ZNF652: variants seen among roughly 807,000 people sequenced by gnomAD.
The protein encoded by ZNF652 is zinc finger protein 652.
ZNF652 carries 16 observed loss-of-function variants against 45.2 expected under a neutral mutation model. The ratio of observed to expected loss-of-function variants is 0.35; its 90% CI spans 0.24 to 0.54. ZNF652 has a LOEUF of 0.54. Among genes scored for constraint, ZNF652 ranks in the 20% least tolerant of loss-of-function variants. ZNF652 has a pLI of 0.91. For synonymous variants in ZNF652, 250 were observed against 260.6 expected (o/e 0.96, Z 0.39); for missense variants, 614 against 765.6 (o/e 0.80, Z 2.34).
At chr17:49,288,774 T>C (rs915123405), downstream of ZNF652, among the ~76,000 whole-genome samples, 4 of 152,112 alleles carry the variant, frequency 2.6e-5, no homozygotes, top group Non-Finnish European at 5.9e-5. Context: ...AGATGCCTCA[T>C]CCCAAGTACC....
intron 4 of ZNF652, 77 bp downstream of exon 4, chr17:49,311,850 C>T: frequency 8.0e-7 from 1 of 1,244,376 alleles, no homozygotes; most frequent in East Asian, 2.4e-5. Context: ...TGCTCCAGCA[C>T]ACCTCTCTCT....
chr17:49,327,747 A>T (rs1402126079), intron 1 of ZNF652, among the ~76,000 whole-genome samples: 10 of 10,618 alleles, frequency 9.4e-4, no homozygotes, highest in African/African-American at 1.5e-3. Context: ...ATATATATAT[A>T]TATATATATA....
chr17:49,348,722 A>G (rs564597613), intron 1 of ZNF652, among the ~76,000 whole-genome samples: 1 of 152,228 alleles, frequency 6.6e-6, no homozygotes, highest in South Asian at 2.1e-4. Context: ...TATAAATAAT[A>G]TGATGTCTGG....
At chr17:49,306,706 T>G (rs2069633817) in intron 5 of ZNF652, among the ~76,000 whole-genome samples, 1 of 152,180 alleles carries the variant, frequency 6.6e-6, no homozygotes, top group African/African-American at 2.4e-5. Flanking sequence ...TTCCAAAAAT[T>G]TATCCTAAGT....
At chr17:49,311,493 C>T in intron 4 of ZNF652, 37 bp from the exon 5 acceptor site, 1 of 1,599,616 alleles carries the variant, frequency 6.3e-7, no homozygotes. Context: ...GAATGCCAAG[C>T]ATAGTAGCTT....
chr17:49,332,250 T>C (rs1389651913), intron 1 of ZNF652, among the ~76,000 whole-genome samples: 6 of 152,116 alleles, frequency 3.9e-5, no homozygotes, highest in Non-Finnish European at 8.8e-5. Context: ...CCTGGGGACA[T>C]TGCCTCAAAA....
At chr17:49,361,008 A>C (rs2070386717) in intron 1 of ZNF652, among the ~76,000 whole-genome samples, 1 of 152,198 alleles carries the variant, frequency 6.6e-6, no homozygotes, top group Non-Finnish European at 1.5e-5. Flanking sequence ...GAAAACGTGG[A>C]TGTGGAAAGC....
In ZNF652 at chr17:49,317,854, A is replaced by T; in HGVS notation, c.-129T>A. The T allele has an allele frequency of 9.3e-7, 1 of 1,070,130 alleles. No individual in the cohort carries two copies. The highest frequency in any genetic ancestry group is 1.3e-6 in the Non-Finnish European group (1 of 777,792). The allele number at this position is 1,070,130 out of a possible 1,614,324, so 66.3% of individuals were successfully genotyped here. A position where few individuals can be genotyped will look rare whatever the true frequency, so the allele number is the denominator to read the frequency against. Reference sequence around the variant, plus strand: ...TCAAATGAAAAAAAGATATTCCTGGAAACTGTGTGCAATTCTTCCAGTGTT... The same window carrying T: ...TCAAATGAAAAAAAGATATTCCTGGTAACTGTGTGCAATTCTTCCAGTGTT... On this transcript the variant is annotated 5_prime_UTR_variant, in exon 2 of 6. Transcript: ENST00000430262.
intron 5 of ZNF652, among the ~76,000 whole-genome samples, chr17:49,311,011 C>T (rs1274188294): frequency 1.3e-5 from 2 of 152,210 alleles, no homozygotes; most frequent in Non-Finnish European, 2.9e-5. Context: ...ATAACATGCA[C>T]ATACACAAAA....
chr17:49,330,298 ATAT>A (rs1398629295), intron 1 of ZNF652, among the ~76,000 whole-genome samples: 2 of 152,066 alleles, frequency 1.3e-5, no homozygotes, highest in South Asian at 2.1e-4. Context: ...AACGTGGGCT[ATAT>A]TATTATTTTG....
intron 1 of ZNF652, among the ~76,000 whole-genome samples, chr17:49,321,477 T>C (rs988316513): frequency 1.4e-5 from 2 of 143,538 alleles, no homozygotes; most frequent in Non-Finnish European, 3.0e-5. Context: ...GGTTTCACCA[T>C]GTTGGTCAGG....
intron 1 of ZNF652, among the ~76,000 whole-genome samples, chr17:49,337,221 A>G (rs556472489): frequency 6.6e-6 from 1 of 151,416 alleles, no homozygotes; most frequent in African/African-American, 2.4e-5. Context: ...CTACAATCTT[A>G]GCTATTCAAG....
chr17:49,322,259 T>C (rs1464480828), intron 1 of ZNF652: 1 of 152,238 alleles, frequency 6.6e-6, no homozygotes, highest in Non-Finnish European at 1.5e-5. Flanking sequence ...TGTTAGTTTA[T>C]ACAAGATTTT....
intron 1 of ZNF652, among the ~76,000 whole-genome samples, chr17:49,329,891 G>C (rs1461051536): frequency 2.0e-5 from 3 of 152,138 alleles, no homozygotes; most frequent in Non-Finnish European, 1.5e-5. Flanking sequence ...ATGTGCATTA[G>C]TCATTACACA....
chr17:49,313,991 A>G (rs1447244601), intron 2 of ZNF652, among the ~76,000 whole-genome samples: 8 of 136,958 alleles, frequency 5.8e-5, no homozygotes, highest in South Asian at 2.4e-4. Context: ...AAAAAAAAAA[A>G]AAAAAAAAAA....
At position 49,311,431 on chromosome 17, in the gene ZNF652, T is replaced by C; in HGVS notation, c.1190A>G (p.Lys397Arg). 1.9e-6 allele frequency: 3 copies of C among 1,614,164 alleles called. No individual in the cohort carries two copies. Among genetic ancestry groups the C allele is most frequent in the South Asian group, 1.1e-5 (1 of 91,082 alleles). The change falls in exon 5 of 6, where the codon AAG becomes AGG. Residue 397 changes from lysine (K) to arginine (R), a missense_variant. Physicochemically the swap from Lys to Arg is conservative, Grantham distance 26 (BLOSUM62 2). Around this residue, in one of 5 missense-constraint regions of ZNF652, gnomAD observed 81 missense variants for 167.0 expected, o/e 0.48. Coordinates refer to ENST00000430262, the MANE Select transcript of ZNF652 (RefSeq NM_001145365.3). ...GCTCATGTGGGAGCGTAGCTGGTAC[T>C]TGTACTGAAACCTTTCGTCACAGTT... ...CENCDERFQY[K>R]YQLRSHMSIH...
chr17:49,305,242 A>G (rs561258484), intron 5 of ZNF652, among the ~76,000 whole-genome samples: 2 of 152,328 alleles, frequency 1.3e-5, no homozygotes, highest in South Asian at 2.1e-4. Context: ...TACTATTTTG[A>G]TAGTACTGAT....
intron 3 of ZNF652, 36 bp downstream of exon 3, chr17:49,312,662 A>C (rs1314752377): frequency 6.2e-7 from 1 of 1,600,314 alleles, no homozygotes; most frequent in Non-Finnish European, 8.5e-7. Flanking sequence ...GAACAAGGGA[A>C]AATTATAGGT....
chr17:49,311,253 C>A, intron 5 of ZNF652, 59 bp downstream of exon 5: 3 of 1,547,588 alleles, frequency 1.9e-6, no homozygotes, highest in Non-Finnish European at 2.6e-6. Flanking sequence ...AACAGACCCA[C>A]AGATGATCAT....
Sources: allele counts gnomAD v4.1 joint callset (sites outside exome capture counted in the v4.1 genomes callset), GRCh38; gene constraint gnomAD v4.1.1; regional missense constraint gnomAD v4.1.1; transcripts MANE v1.5; gene names NCBI Gene and HGNC (gene_info 2026-07-23, HGNC 2026-07-21).